ANKRD54: variants seen among roughly 807,000 people sequenced by gnomAD.
The protein encoded by ANKRD54 is ankyrin repeat domain-containing protein 54.
ANKRD54 carries 26 observed loss-of-function variants against 36.2 expected under a neutral mutation model. That is an observed-to-expected ratio of 0.72 (90% CI 0.53 to 1.00). ANKRD54 has a LOEUF of 1.00. ANKRD54 is among the 50% of genes least tolerant of loss of function. The probability of loss-of-function intolerance (pLI) is 0.00; values close to 1 mark genes in which losing one functional copy is unlikely to be tolerated. For synonymous variants in ANKRD54, 209 were observed against 188.4 expected, an observed-to-expected ratio of 1.11 and a Z score of -0.89; for missense variants, 384 against 424.3, an observed-to-expected ratio of 0.91 and a Z score of 0.83.
chr22:37,848,876 C>G (rs1232395268), upstream of ANKRD54: 1 of 154,622 alleles, frequency 6.5e-6, no homozygotes, highest in East Asian at 1.9e-4. Context: ...CTAACTTTGC[C>G]TCTCCTTTAC....
intron 1 of ANKRD54, among the ~76,000 whole-genome samples, chr22:37,841,082 GA>G (rs59447633): frequency 2.4e-3 from 298 of 122,910 alleles, no homozygotes; most frequent in African/African-American, 5.1e-3. Flanking sequence ...ACTGTCTCAG[GA>G]AAAAAAAAAA....
Position 37,832,617 on chromosome 22 carries a change from G to A in ANKRD54, c.828+20C>T. 6.2e-7 allele frequency: 1 copy of A among 1,612,324 alleles called. No individual in the cohort carries two copies. Among genetic ancestry groups the A allele is most frequent in the Non-Finnish European group, 8.5e-7 (1 of 1,178,716 alleles). ...AGGCTCCTGCCAGGCCCTGGGTCTG[G>A]GCCTGTGGCTGCAGCTCACCTGCTC... is the stretch of plus-strand genomic sequence containing the variant. On this transcript the variant is annotated intron_variant, in intron 7 of 7. Coordinates refer to ENST00000215941, the MANE Select transcript of ANKRD54 (RefSeq NM_138797.4).
intron 1 of ANKRD54, 116 bp downstream of exon 1, chr22:37,843,795 C>T (rs903714596): frequency 6.3e-5 from 44 of 702,366 alleles, no homozygotes; most frequent in Non-Finnish European, 7.8e-5. Context: ...GCGCAGACGT[C>T]GGGGGACCCC....
At position 37,832,841 on chromosome 22, in the gene ANKRD54, G is replaced by C. The variant is rs879467081; in HGVS notation, c.721-97C>G. ...GCACAGTGGAGCAGGTGCCAACTGG[G>C]GTCAGTGTGAAACAACCCAGGAGCC... On this transcript the variant is annotated intron_variant, in intron 6 of 7. Transcript: ENST00000215941. 8.1e-6 allele frequency: 13 copies of C among 1,602,768 alleles called. No homozygotes were observed. In the South Asian group the frequency reaches 1.2e-4, roughly 15 times the overall value.
upstream of ANKRD54, chr22:37,844,374 G>T: frequency 9.9e-7 from 1 of 1,010,318 alleles, no homozygotes; most frequent in Admixed American, 3.0e-5. Flanking sequence ...AACCGAGCGG[G>T]GGCGGGCTCA....
chr22:37,836,254 C>G (rs1923516760), intron 3 of ANKRD54, among the ~76,000 whole-genome samples: 1 of 149,916 alleles, frequency 6.7e-6, no homozygotes, highest in Admixed American at 6.6e-5. Context: ...CGAGACCAGC[C>G]TGACCAACAT....
chr22:37,847,043 CG>C (rs1569106568), upstream of ANKRD54, among the ~76,000 whole-genome samples: 1 of 150,526 alleles, frequency 6.6e-6, no homozygotes, highest in Admixed American at 6.6e-5. Flanking sequence ...TTAGTAGAGA[CG>C]GGGTTTCACC....
chr22:37,835,215 A>T (rs1329961314), intron 3 of ANKRD54, among the ~76,000 whole-genome samples: 1 of 152,080 alleles, frequency 6.6e-6, no homozygotes, highest in Non-Finnish European at 1.5e-5. Context: ...ATAAAAAATT[A>T]GGTGGGTGTG....
chr22:37,843,231 T>G lies in ANKRD54; in HGVS notation c.328+680A>C, dbSNP rs991796201. On this transcript the variant is annotated intron_variant, in intron 1 of 7. Transcript: ENST00000215941. The stretch of plus-strand genomic sequence containing the variant: ...TGAGATCAGAAGTTCGAGACCAGCC[T>G]GGCAAACATGGTGAAACCCCATCTT... Among the ~76,000 whole-genome samples, 11 of 152,308 alleles carry G rather than the reference T, an allele frequency of 7.2e-5. No homozygotes were observed. In the South Asian group the frequency reaches 1.7e-3, roughly 23 times the overall value.
Position 37,833,717 on chromosome 22 carries a change from G to A in ANKRD54, c.514C>T (p.Arg172Ter), listed in dbSNP as rs772436185. ...AGTGGCGTGTTCCCCAGCCCATCTCGCTGGTTAGGATCAGCACCATGGTCC... is the reference window on the plus strand; with the variant it reads ...AGTGGCGTGTTCCCCAGCCCATCTCACTGGTTAGGATCAGCACCATGGTCC... ...LLDHGADPNQ[R>*]DGLGNTPLHL... The change falls in exon 4 of 8, where the codon CGA (arginine) becomes TGA (stop). Residue 172 changes from arginine to a stop codon, truncating the protein, a stop_gained. Transcript: ENST00000215941. LOFTEE classifies it high-confidence loss of function. The A allele has an allele frequency of 5.0e-6, 8 of 1,614,128 alleles. No individual in the cohort carries two copies. Among genetic ancestry groups the A allele is most frequent in the Non-Finnish European group, 5.9e-6 (7 of 1,180,008 alleles).
At chr22:37,849,249 C>T, upstream of ANKRD54, 3 of 644,658 alleles carry the variant, frequency 4.7e-6, no homozygotes, top group East Asian at 5.7e-5. Context: ...GCCTCGGCCT[C>T]CCAAACTGGT....
At chr22:37,847,274 T>G (rs989444654), upstream of ANKRD54, among the ~76,000 whole-genome samples, 6 of 151,926 alleles carry the variant, frequency 3.9e-5, no homozygotes, top group Admixed American at 3.9e-4. Flanking sequence ...GTGATTCTCC[T>G]GCCTCAGCCT....
chr22:37,846,310 C>T (rs1924843478), upstream of ANKRD54, among the ~76,000 whole-genome samples: 2 of 152,160 alleles, frequency 1.3e-5, no homozygotes, highest in Non-Finnish European at 1.5e-5. Context: ...GTACTCTCCT[C>T]GTCTGCCCCA....
chr22:37,845,823 C>T (rs1458735718), upstream of ANKRD54, among the ~76,000 whole-genome samples: 2 of 151,830 alleles, frequency 1.3e-5, no homozygotes, highest in Non-Finnish European at 2.9e-5. Flanking sequence ...GAGCTGAGAT[C>T]GCACCATGGC....
upstream of ANKRD54, chr22:37,849,295 C>A: frequency 1.1e-6 from 1 of 937,080 alleles, no homozygotes; most frequent in South Asian, 1.4e-5. Context: ...CGCGGCTCCT[C>A]TTCCTTCTGG....
At chr22:37,846,955 G>A (rs1175829062), upstream of ANKRD54, among the ~76,000 whole-genome samples, 4 of 149,770 alleles carry the variant, frequency 2.7e-5, no homozygotes, top group South Asian at 2.1e-4. Context: ...CCGGGTTCAC[G>A]CCATTCTCCT....
chr22:37,846,111 C>T (rs1426470096), upstream of ANKRD54, among the ~76,000 whole-genome samples: 1 of 149,000 alleles, frequency 6.7e-6, no homozygotes, highest in Non-Finnish European at 1.5e-5. Context: ...GGAGGCAGAG[C>T]TTGCGGTGAG....
chr22:37,849,334 T>G (rs1182475183), upstream of ANKRD54: 3 of 1,365,636 alleles, frequency 2.2e-6, no homozygotes, highest in African/African-American at 1.4e-5. Flanking sequence ...GCCAGAGGCC[T>G]CGGAAAGGCT....
At chr22:37,848,937 C>T (rs1015443680), upstream of ANKRD54, 5 of 172,322 alleles carry the variant, frequency 2.9e-5, no homozygotes, top group African/African-American at 1.2e-4. Flanking sequence ...ATAGATTCAC[C>T]TTCTTTGAGA....
Sources: gnomAD v4.1 joint callset for allele counts (sites outside exome capture counted in the v4.1 genomes callset) on GRCh38, gnomAD v4.1.1 for gene constraint, MANE v1.5 for transcripts, NCBI Gene and HGNC (gene_info 2026-07-23, HGNC 2026-07-21) for gene names.